The following NPAS3 variants were observed in gnomAD, a reference collection of about 807,000 sequenced individuals.
NPAS3 encodes the protein neuronal PAS domain-containing protein 3.
In NPAS3, 14 loss-of-function variants were observed where a neutral mutation model predicts 73.1. The observed-to-expected ratio is 0.19, with a 90% CI of 0.13 to 0.30. NPAS3 has a LOEUF of 0.30. NPAS3 is among the 10% of genes least tolerant of loss of function. NPAS3 has a pLI of 1.00. For missense variants in NPAS3, 1,096 were observed against 1,250.0 expected (o/e 0.88, Z 1.86); for synonymous variants, 620 against 541.5 (o/e 1.14, Z -2.01).
intron 2 of NPAS3, among the ~76,000 whole-genome samples, chr14:33,124,406 G>A (rs1440192108): frequency 2.0e-5 from 3 of 152,108 alleles, no homozygotes; most frequent in Non-Finnish European, 4.4e-5. Flanking sequence ...TCTTTAGTTA[G>A]CAAGTTACAC....
chr14:33,056,247 A>G (rs1426671265), intron 2 of NPAS3, among the ~76,000 whole-genome samples: 2 of 152,196 alleles, frequency 1.3e-5, no homozygotes, highest in African/African-American at 4.8e-5. Flanking sequence ...TAACGACTGT[A>G]TTAAAGCTCT....
downstream of NPAS3, chr14:33,802,421 A>C (rs536560017): frequency 6.6e-6 from 1 of 152,192 alleles, no homozygotes; most frequent in East Asian, 1.9e-4. Context: ...AAAAGAAAAA[A>C]AATCCTATTT....
chr14:33,318,712 GA>G (rs1566791449), intron 3 of NPAS3, among the ~76,000 whole-genome samples: 1 of 151,918 alleles, frequency 6.6e-6, no homozygotes, highest in Admixed American at 6.6e-5. Flanking sequence ...TAAAGTTGGG[GA>G]AATGTATAGT....
intron 3 of NPAS3, among the ~76,000 whole-genome samples, chr14:33,346,781 G>C (rs2044757477): frequency 6.6e-6 from 1 of 152,116 alleles, no homozygotes; most frequent in South Asian, 2.1e-4. Context: ...TACAGTTCCT[G>C]GGAACAGGAT....
At chr14:33,389,525 T>C (rs2046910888) in intron 4 of NPAS3, among the ~76,000 whole-genome samples, 1 of 152,170 alleles carries the variant, frequency 6.6e-6, no homozygotes, top group Non-Finnish European at 1.5e-5. Context: ...TCCTTCAGTA[T>C]AGTCATTTAC....
At chr14:33,434,178 G>A (rs1181366445) in intron 4 of NPAS3, among the ~76,000 whole-genome samples, 1 of 151,622 alleles carries the variant, frequency 6.6e-6, no homozygotes, top group Non-Finnish European at 1.5e-5. Flanking sequence ...GGCAGCAAGA[G>A]CAAAACTCCG....
intron 2 of NPAS3, among the ~76,000 whole-genome samples, chr14:33,069,499 T>C (rs1364774427): frequency 6.6e-6 from 1 of 152,220 alleles, no homozygotes; most frequent in African/African-American, 2.4e-5. Flanking sequence ...GGTGGGTAAG[T>C]GTGCAGGCTA....
At position 33,564,408 on chromosome 14, in the gene NPAS3, C is replaced by T. The variant is rs2055819298; in HGVS notation, c.558+4198C>T. Among the ~76,000 whole-genome samples, 3 of 126,968 alleles carry T rather than the reference C, an allele frequency of 2.4e-5. No individual in the cohort carries two copies. The Admixed American group carries it at 2.4e-4, about 10-fold the overall frequency. The allele number at this position is 126,968 out of a possible 152,430, so 83.3% of individuals were successfully genotyped here. A position where few individuals can be genotyped will look rare whatever the true frequency, so the allele number is the denominator to read the frequency against. ...ATTTGCTTCCACTGGAGTCCATATT[C>T]ACAGCAAGGCTGTCGTGATCTACAC... On this transcript the variant is annotated intron_variant, in intron 5 of 11. Transcript: ENST00000356141.
chr14:33,062,619 ATTGG>A (rs2041148439), intron 2 of NPAS3, among the ~76,000 whole-genome samples: 1 of 152,368 alleles, frequency 6.6e-6, no homozygotes, highest in Admixed American at 6.5e-5. Flanking sequence ...TTAAAAAATA[ATTGG>A]TTGGTGACAC....
chr14:33,709,556 G>T (rs2060759008), intron 6 of NPAS3, among the ~76,000 whole-genome samples: 1 of 152,180 alleles, frequency 6.6e-6, no homozygotes, highest in Non-Finnish European at 1.5e-5. Flanking sequence ...TTGGGGAGTT[G>T]ATATTATGAG....
At chr14:33,746,964 A>G (rs540594689) in intron 7 of NPAS3, among the ~76,000 whole-genome samples, 1 of 144,498 alleles carries the variant, frequency 6.9e-6, no homozygotes, top group African/African-American at 2.6e-5. Flanking sequence ...CTCATTGTTC[A>G]ATTCCCACCT....
chr14:32,992,868 C>T (rs1390734073), intron 1 of NPAS3, among the ~76,000 whole-genome samples: 2 of 151,860 alleles, frequency 1.3e-5, no homozygotes, highest in African/African-American at 4.8e-5. Flanking sequence ...AAATTATGGT[C>T]TCTCGGCAGG....
intron 7 of NPAS3, among the ~76,000 whole-genome samples, chr14:33,770,138 CA>C (rs1210614871): frequency 2.0e-5 from 3 of 152,160 alleles, no homozygotes; most frequent in Non-Finnish European, 4.4e-5. Flanking sequence ...TAACAGGTCT[CA>C]GGTACAGCCG....
rs193177843 is a variant in NPAS3 at position 33,027,199 on chromosome 14, C to T, written c.51-28706C>T. ...ACACTTGGAGTTAGGCACAAGGGCC[C>T]TATTTTTCTGGGGCTGAATTGAGTA... On this transcript the variant is annotated intron_variant, in intron 1 of 11. Transcript: ENST00000356141. 2.6e-5 allele frequency among the ~76,000 whole-genome samples: 4 copies of T among 152,306 alleles called. No homozygotes were observed. The East Asian group carries it at 5.8e-4, about 22-fold the overall frequency.
chr14:33,179,644 G>A (rs1003340229), intron 2 of NPAS3, among the ~76,000 whole-genome samples: 2 of 152,092 alleles, frequency 1.3e-5, no homozygotes, highest in African/African-American at 4.8e-5. Flanking sequence ...TGAATCATAA[G>A]TCTGTTTACA....
intron 2 of NPAS3, among the ~76,000 whole-genome samples, chr14:33,080,084 T>C (rs554382863): frequency 4.1e-4 from 63 of 152,066 alleles, no homozygotes; most frequent in Non-Finnish European, 8.1e-4. Flanking sequence ...TGAATGGACA[T>C]ATAGTCCAAT....
intron 1 of NPAS3, among the ~76,000 whole-genome samples, chr14:33,043,053 C>T (rs1399057699): frequency 6.6e-6 from 1 of 152,152 alleles, no homozygotes; most frequent in Non-Finnish European, 1.5e-5. Context: ...CTCCTCCACT[C>T]AAATTTATTT....
chr14:33,194,476 C>T (rs1424362038), intron 2 of NPAS3, among the ~76,000 whole-genome samples: 1 of 152,164 alleles, frequency 6.6e-6, no homozygotes, highest in African/African-American at 2.4e-5. Context: ...GTGAAATTAA[C>T]TTAAACAGTG....
chr14:33,512,793 T>C (rs1376016606), intron 4 of NPAS3, among the ~76,000 whole-genome samples: 1 of 152,106 alleles, frequency 6.6e-6, no homozygotes, highest in East Asian at 1.9e-4. Context: ...GATATAAAGA[T>C]GGAACCAACC....
Sources: allele counts gnomAD v4.1 joint callset (sites outside exome capture counted in the v4.1 genomes callset), GRCh38; gene constraint gnomAD v4.1.1; transcripts MANE v1.5; gene names NCBI Gene and HGNC (gene_info 2026-07-23, HGNC 2026-07-21).